Variants in DLC1 observed in about 807,000 individuals in gnomAD.
DLC1 encodes DLC1 Rho GTPase activating protein.
A neutral mutation model predicts 140.3 loss-of-function variants in DLC1; 54 were observed. The ratio of observed to expected loss-of-function variants is 0.38; its 90% CI spans 0.31 to 0.48. The LOEUF is 0.48. Ranked by LOEUF, DLC1 falls within the 20% of genes least tolerant of loss-of-function variation. DLC1 has a pLI of 0.96. For synonymous variants in DLC1, 986 were observed against 728.1 expected, an observed-to-expected ratio of 1.35 and a Z score of -5.70; for missense variants, 2,536 against 1,907.0, an observed-to-expected ratio of 1.33 and a Z score of -6.14.
At chr8:13,259,012 C>G (rs1830372320) in intron 5 of DLC1, among the ~76,000 whole-genome samples, 1 of 151,794 alleles carries the variant, frequency 6.6e-6, no homozygotes, top group South Asian at 2.1e-4. Context: ...TGGCGGGCGC[C>G]TGTACTCCCA....
intron 4 of DLC1, among the ~76,000 whole-genome samples, chr8:13,316,751 T>G (rs2116885050): frequency 6.6e-6 from 1 of 152,280 alleles, no homozygotes; most frequent in Middle Eastern, 3.4e-3. Flanking sequence ...ACTTGCTTCC[T>G]TCTCTGGTCA....
intron 4 of DLC1, among the ~76,000 whole-genome samples, chr8:13,388,668 A>G (rs1007938217): frequency 6.6e-6 from 1 of 151,980 alleles, no homozygotes; most frequent in Admixed American, 6.6e-5. Flanking sequence ...TTTGAAAAAT[A>G]ACATCTGATG....
intron 2 of DLC1, among the ~76,000 whole-genome samples, chr8:13,473,155 T>A (rs1452351079): frequency 2.6e-5 from 4 of 152,204 alleles, no homozygotes; most frequent in Non-Finnish European, 5.9e-5. Flanking sequence ...TTTATGAGTA[T>A]ACCATCTGCA....
chr8:13,453,888 G>C (rs1236368396), intron 2 of DLC1, among the ~76,000 whole-genome samples: 5 of 151,968 alleles, frequency 3.3e-5, no homozygotes, highest in Non-Finnish European at 5.9e-5. Context: ...TGTATTTGAA[G>C]TTGTAAAACA....
intron 2 of DLC1, among the ~76,000 whole-genome samples, chr8:13,466,296 G>A (rs980095194): frequency 1.3e-5 from 2 of 152,156 alleles, no homozygotes; most frequent in African/African-American, 4.8e-5. Context: ...CCCACTTCCT[G>A]TTGGCCCTGC....
intron 5 of DLC1, among the ~76,000 whole-genome samples, chr8:13,178,121 A>T (rs1378077513): frequency 1.3e-5 from 2 of 151,724 alleles, no homozygotes; most frequent in Non-Finnish European, 2.9e-5. Flanking sequence ...TCATTGATTT[A>T]AAAAAAATCA....
chr8:13,177,427 C>G (rs186993158), intron 5 of DLC1, among the ~76,000 whole-genome samples: 1 of 151,966 alleles, frequency 6.6e-6, no homozygotes, highest in Admixed American at 6.6e-5. Flanking sequence ...CTAAAAGAAC[C>G]CTTATGTTAT....
At chr8:13,354,172 C>T (rs148502794) in intron 4 of DLC1, among the ~76,000 whole-genome samples, 19 of 152,138 alleles carry the variant, frequency 1.2e-4, no homozygotes, top group African/African-American at 4.6e-4. Flanking sequence ...CACATAGTTG[C>T]TAAGATCTTA....
intron 2 of DLC1, among the ~76,000 whole-genome samples, chr8:13,475,766 G>C (rs931215496): frequency 6.6e-6 from 1 of 152,336 alleles, no homozygotes; most frequent in Non-Finnish European, 1.5e-5. Context: ...TGAGGCTGCA[G>C]TGAGTGGCAA....
Position 13,578,982 on chromosome 8 carries a change from C to G in DLC1, c.-126+25555G>C, listed in dbSNP as rs559891002. Among the ~76,000 whole-genome samples the G allele has an allele frequency of 8.4e-4, 127 of 151,804 alleles. 1 individual carries two copies. In the South Asian group the frequency reaches 0.014, roughly 16 times the overall value. On this transcript the variant is annotated intron_variant, in intron 1 of 1. Coordinates refer to the DLC1 transcript ENST00000631382. ...TCCAACGTTTTATTACAGGTTGGTT[C>G]CTCTGGCAACCGGCTCCCATTCCGA...
intron 7 of DLC1, 49 bp downstream of exon 7, chr8:13,110,693 G>T: frequency 1.3e-6 from 2 of 1,532,426 alleles, no homozygotes; most frequent in Non-Finnish European, 1.8e-6. Flanking sequence ...GAGAAGTACT[G>T]TGTTCTTAAA....
At chr8:13,228,792 G>A (rs541438563) in intron 5 of DLC1, among the ~76,000 whole-genome samples, 7 of 152,258 alleles carry the variant, frequency 4.6e-5, no homozygotes, top group Admixed American at 6.5e-5. Context: ...CATTTCTTCC[G>A]AGAAAACATC....
intron 2 of DLC1, among the ~76,000 whole-genome samples, chr8:13,467,562 G>A (rs1456478042): frequency 6.6e-6 from 1 of 151,944 alleles, no homozygotes; most frequent in Non-Finnish European, 1.5e-5. Flanking sequence ...ATCATAGAGA[G>A]ACCCTGTCTT....
At chr8:13,140,394 G>C (rs1339875013) in intron 5 of DLC1, among the ~76,000 whole-genome samples, 1 of 151,966 alleles carries the variant, frequency 6.6e-6, no homozygotes, top group African/African-American at 2.4e-5. Flanking sequence ...CATCATGCCT[G>C]GCTAACGTTT....
chr8:13,365,812 C>T (rs1835453910), intron 4 of DLC1, among the ~76,000 whole-genome samples: 2 of 152,256 alleles, frequency 1.3e-5, no homozygotes, highest in South Asian at 4.1e-4. Flanking sequence ...ATGGAAATGT[C>T]AACCTCTCAG....
intron 2 of DLC1, among the ~76,000 whole-genome samples, chr8:13,493,454 T>C (rs868752025): frequency 6.6e-6 from 1 of 152,286 alleles, no homozygotes; most frequent in South Asian, 2.1e-4. Context: ...TATAATCTTA[T>C]GGGGCACATA....
intron 5 of DLC1, among the ~76,000 whole-genome samples, chr8:13,295,749 G>A (rs1157387271): frequency 1.3e-5 from 2 of 152,036 alleles, no homozygotes; most frequent in Non-Finnish European, 2.9e-5. Context: ...CAAAGTAATA[G>A]CTTGTTACAT....
upstream of DLC1, chr8:13,515,348 A>C (rs1395825533): frequency 2.0e-5 from 3 of 152,212 alleles, no homozygotes; most frequent in Non-Finnish European, 4.4e-5. Flanking sequence ...TCTGTAAGTA[A>C]AATCCCAAGC....
intron 1 of DLC1, 89 bp downstream of exon 1, chr8:13,514,513 A>C (rs1258995857): frequency 5.0e-6 from 2 of 398,114 alleles, no homozygotes; most frequent in East Asian, 3.6e-5. Flanking sequence ...GGAAGTCACC[A>C]ACTCCGTGCA....
Sources: allele counts gnomAD v4.1 joint callset (sites outside exome capture counted in the v4.1 genomes callset), GRCh38; gene constraint gnomAD v4.1.1; transcripts MANE v1.5; gene names NCBI Gene and HGNC (gene_info 2026-07-23, HGNC 2026-07-21).